Variants in GDAP2 observed in about 807,000 individuals in gnomAD.
GDAP2 encodes the protein ganglioside induced differentiation associated protein 2.
Under a neutral mutation model 67.0 loss-of-function variants are expected in GDAP2, and 51 were observed. The observed-to-expected ratio is 0.76, with a 90% CI of 0.61 to 0.96. The LOEUF (loss-of-function observed/expected upper bound fraction) is 0.96. Ranked by LOEUF, GDAP2 falls within the 40% of genes least tolerant of loss-of-function variation. GDAP2 has a pLI of 0.00. For missense variants in GDAP2, 547 were observed against 588.3 expected, an observed-to-expected ratio of 0.93 and a Z score of 0.73; for synonymous variants, 203 against 207.3, an observed-to-expected ratio of 0.98 and a Z score of 0.18.
intron 1 of GDAP2, among the ~76,000 whole-genome samples, chr1:117,925,313 T>A (rs1650407406): frequency 6.6e-6 from 1 of 151,876 alleles, no homozygotes; most frequent in African/African-American, 2.4e-5. Context: ...ACTAGCCAGG[T>A]GTGGTGGCAT....
intron 8 of GDAP2, among the ~76,000 whole-genome samples, chr1:117,893,415 G>C (rs1448925685): frequency 6.6e-6 from 1 of 152,138 alleles, no homozygotes; most frequent in African/African-American, 2.4e-5. Context: ...ATTTTGAAGA[G>C]ATACTGAGGT....
intron 3 of GDAP2, among the ~76,000 whole-genome samples, chr1:117,918,334 A>C (rs1650120065): frequency 1.3e-5 from 2 of 152,224 alleles, no homozygotes; most frequent in Non-Finnish European, 2.9e-5. Flanking sequence ...CCAAAGACAC[A>C]GCTACAGTGA....
At chr1:117,871,199 T>C (rs1485924691) in intron 13 of GDAP2, among the ~76,000 whole-genome samples, 2 of 152,202 alleles carry the variant, frequency 1.3e-5, no homozygotes, top group Non-Finnish European at 2.9e-5. Context: ...GCAAGGCTTG[T>C]AACAATTACA....
intron 13 of GDAP2, chr1:117,877,521 TAAC>T (rs1648505932): frequency 1.0e-6 from 1 of 975,380 alleles, no homozygotes; most frequent in Admixed American, 6.2e-5. Context: ...CATCTATAAA[TAAC>T]AACAATAATA....
chr1:117,908,986 C>T (rs1442761311), intron 5 of GDAP2, among the ~76,000 whole-genome samples: 1 of 152,052 alleles, frequency 6.6e-6, no homozygotes, highest in Non-Finnish European at 1.5e-5. Flanking sequence ...AAATTGAATT[C>T]TCTCAGTGGA....
At chr1:117,883,671 G>A (rs773616157) in intron 10 of GDAP2, 44 bp from the exon 11 acceptor site, 7 of 1,448,554 alleles carry the variant, frequency 4.8e-6, no homozygotes, top group Non-Finnish European at 6.7e-6. Flanking sequence ...ATTTTGAACA[G>A]TAGTCTATTT....
intron 13 of GDAP2, chr1:117,877,507 A>C (rs554991686): frequency 1.0e-6 from 1 of 974,026 alleles, no homozygotes; most frequent in Admixed American, 6.1e-5. Context: ...CAGATCCATA[A>C]ACGCATCTAT....
chr1:117,889,227 TAATG>T (rs1648974960), intron 8 of GDAP2, among the ~76,000 whole-genome samples: 1 of 152,124 alleles, frequency 6.6e-6, no homozygotes, highest in African/African-American at 2.4e-5. Flanking sequence ...CTTTGACAAA[TAATG>T]TATGTAATGT....
intron 8 of GDAP2, among the ~76,000 whole-genome samples, chr1:117,892,223 T>A (rs539011007): frequency 3.9e-5 from 6 of 152,216 alleles, no homozygotes; most frequent in East Asian, 3.9e-4. Flanking sequence ...GTCATTATTT[T>A]AAAAAAATCA....
chr1:117,887,711 G>C lies in GDAP2; in HGVS notation c.1017C>G (p.Ala339=), dbSNP rs780424378. ...EDLSDIASLK[A]LYQTGVDNCG... is the part of the protein sequence containing the mutation. Reference sequence around the variant, plus strand: ...ATTTAAGCTCACCTGTTTGGTATAAGGCTTTTAGAGAAGCAATATCAGACA... The same window carrying C: ...ATTTAAGCTCACCTGTTTGGTATAACGCTTTTAGAGAAGCAATATCAGACA... Residue 339 remains alanine (A), a synonymous_variant, in exon 9 of 14, where the codon GCC becomes GCG. Coordinates refer to ENST00000369443, the MANE Select transcript of GDAP2 (RefSeq NM_017686.4). The C allele has an allele frequency of 1.9e-6, 3 of 1,547,906 alleles. No individual in the cohort carries two copies. Among genetic ancestry groups the C allele is most frequent in the African/African-American group, 1.4e-5 (1 of 73,578 alleles).
intron 5 of GDAP2, among the ~76,000 whole-genome samples, chr1:117,908,773 TG>T (rs1649746900): frequency 1.3e-5 from 2 of 152,036 alleles, no homozygotes; most frequent in Admixed American, 1.3e-4. Context: ...TGCATTGAGC[TG>T]TGTTTGCCCC....
intron 3 of GDAP2, among the ~76,000 whole-genome samples, chr1:117,917,527 A>G (rs61703623): frequency 0.017 from 2,588 of 152,280 alleles, 82 homozygotes; most frequent in African/African-American, 0.058. Context: ...AGCTCTTACT[A>G]TATGTCAGGA....
At chr1:117,909,322 A>C (rs1649770186) in intron 5 of GDAP2, among the ~76,000 whole-genome samples, 2 of 152,176 alleles carry the variant, frequency 1.3e-5, no homozygotes, top group Admixed American at 1.3e-4. Context: ...AACCTGATAA[A>C]TTTATTTCAA....
In GDAP2 at chr1:117,870,106, A is replaced by G. The variant is rs1229612622; in HGVS notation, c.*463T>C. ...TTTAACACAGCCAAATTATCTTTAT[A>G]AAATATACATGGTATTAACACCATG... On this transcript the variant is annotated 3_prime_UTR_variant, in exon 14 of 14. Coordinates refer to ENST00000369443, the MANE Select transcript of GDAP2 (RefSeq NM_017686.4). 2 of 153,044 alleles carry G rather than the reference A, an allele frequency of 1.3e-5. No homozygotes were observed. Among genetic ancestry groups the G allele is most frequent in the Non-Finnish European group, 2.9e-5 (2 of 68,612 alleles). 9.5% of individuals were successfully genotyped at this position (153,044 alleles called of 1,614,324 possible).
At chr1:117,876,852 AATG>A (rs1221081008) in intron 13 of GDAP2, among the ~76,000 whole-genome samples, 1 of 152,224 alleles carries the variant, frequency 6.6e-6, no homozygotes, top group African/African-American at 2.4e-5. Flanking sequence ...CCAGAAAATA[AATG>A]ATAAATCCAG....
At chr1:117,874,707 GTT>G (rs1648396724) in intron 13 of GDAP2, among the ~76,000 whole-genome samples, 1 of 152,190 alleles carries the variant, frequency 6.6e-6, no homozygotes, top group African/African-American at 2.4e-5. Flanking sequence ...CTTAGGGAAA[GTT>G]TGAAACTTCT....
At position 117,882,671 on chromosome 1, in the gene GDAP2, T is replaced by C. The variant is rs548561333; in HGVS notation, c.1248-794A>G. 2.6e-3 allele frequency among the ~76,000 whole-genome samples: 394 copies of C among 152,280 alleles called. 3 individuals are homozygous for C. The highest frequency in any genetic ancestry group is 9.0e-3 in the African/African-American group (375 of 41,554). On this transcript the variant is annotated intron_variant, in intron 11 of 13. Coordinates refer to ENST00000369443, the MANE Select transcript of GDAP2 (RefSeq NM_017686.4). ...AGTGGTAGAAGCAGAACTACATATA[T>C]ACAACCCACATTCAGAGTAAGCTAA... is the stretch of plus-strand genomic sequence containing the variant.
At chr1:117,913,211 T>C (rs892035547) in intron 3 of GDAP2, among the ~76,000 whole-genome samples, 3 of 152,170 alleles carry the variant, frequency 2.0e-5, no homozygotes, top group Non-Finnish European at 4.4e-5. Context: ...AGTGCATACA[T>C]GCATAAGAAA....
chr1:117,903,617 A>T (rs532375642), intron 6 of GDAP2, among the ~76,000 whole-genome samples: 19 of 151,986 alleles, frequency 1.3e-4, no homozygotes, highest in Non-Finnish European at 2.4e-4. Context: ...CATTCCTGAC[A>T]TAAGTCCTAC....
Sources: gnomAD v4.1 joint callset for allele counts (sites outside exome capture counted in the v4.1 genomes callset) on GRCh38, gnomAD v4.1.1 for gene constraint, MANE v1.5 for transcripts, NCBI Gene and HGNC (gene_info 2026-07-23, HGNC 2026-07-21) for gene names.